The following TFDP1 variants were observed in gnomAD, a reference collection of about 807,000 sequenced individuals.
TFDP1 encodes transcription factor Dp-1.
TFDP1 carries 6 observed loss-of-function variants against 48.0 expected under a neutral mutation model. The observed-to-expected ratio is 0.13, with a 90% confidence interval of 0.07 to 0.25. The LOEUF (loss-of-function observed/expected upper bound fraction) is 0.25, where lower values mean the gene tolerates loss of function less well. Ranked by LOEUF, TFDP1 falls within the 10% of genes least tolerant of loss-of-function variation. The pLI, the probability that TFDP1 is intolerant of heterozygous loss-of-function variation, is 1.00. For missense variants in TFDP1, 335 were observed against 543.0 expected (o/e 0.62, Z 3.81); for synonymous variants, 201 against 211.6 (o/e 0.95, Z 0.44).
chr13:113,592,711 A>G (rs61969013), intron 2 of TFDP1, among the ~76,000 whole-genome samples: 3,628 of 152,356 alleles, frequency 0.024, 92 homozygotes, highest in Non-Finnish European at 0.035. Context: ...AGCATTGCCA[A>G]CACATCCCTG....
In TFDP1 at chr13:113,613,515, C is replaced by T. The variant is rs186020175; in HGVS notation, c.79+2453C>T. ...TGTTGGTGTTTGCATGTGTCTGTGT[C>T]AATATGTGTGCATGAGTGTGTGTGA... On this transcript the variant is annotated intron_variant, in intron 3 of 11. Coordinates refer to ENST00000375370, the MANE Select transcript of TFDP1 (RefSeq NM_007111.5). Among the ~76,000 whole-genome samples the T allele has an allele frequency of 1.3e-3, 198 of 152,286 alleles. 1 individual carries two copies. The highest frequency in any genetic ancestry group is 4.2e-3 in the African/African-American group (175 of 41,544).
At chr13:113,587,163 CTG>C (rs1029840116) in intron 2 of TFDP1, among the ~76,000 whole-genome samples, 5 of 152,052 alleles carry the variant, frequency 3.3e-5, no homozygotes, top group African/African-American at 1.2e-4. Context: ...CTGGCACTGT[CTG>C]TGAGCAGCAT....
At chr13:113,609,981 G>A (rs2048667639) in intron 2 of TFDP1, among the ~76,000 whole-genome samples, 1 of 152,252 alleles carries the variant, frequency 6.6e-6, no homozygotes, top group Admixed American at 6.5e-5. Context: ...GGCCTCTGGG[G>A]ACTGACATTT....
chr13:113,628,303 C>T (rs2049243099), intron 4 of TFDP1, among the ~76,000 whole-genome samples: 1 of 152,174 alleles, frequency 6.6e-6, no homozygotes. Flanking sequence ...AAGACTGTGT[C>T]TGGAGCCATG....
intron 2 of TFDP1, among the ~76,000 whole-genome samples, chr13:113,608,043 C>T (rs1005511676): frequency 1.6e-4 from 24 of 152,202 alleles, no homozygotes; most frequent in Non-Finnish European, 3.2e-4. Context: ...GGGCAAGGCC[C>T]GTGGCTGAGT....
chr13:113,635,882 C>T, intron 8 of TFDP1, 95 bp from the exon 9 acceptor site: 1 of 1,414,382 alleles, frequency 7.1e-7, no homozygotes, highest in African/African-American at 1.4e-5. Context: ...TCCTCGCTGT[C>T]ACGTGGACGC....
chr13:113,625,073 T>C (rs1205949168), intron 4 of TFDP1, among the ~76,000 whole-genome samples: 1 of 133,278 alleles, frequency 7.5e-6, no homozygotes, highest in South Asian at 2.6e-4. Context: ...GTCTCTCACG[T>C]GTCCTCAGGT....
At chr13:113,620,452 A>T (rs996983008) in intron 3 of TFDP1, among the ~76,000 whole-genome samples, 1 of 152,230 alleles carries the variant, frequency 6.6e-6, no homozygotes, top group African/African-American at 2.4e-5. Context: ...CATTTATTGA[A>T]ATTAGAGACT....
chr13:113,629,106 A>G (rs1434729170), intron 4 of TFDP1, among the ~76,000 whole-genome samples: 1 of 152,188 alleles, frequency 6.6e-6, no homozygotes, highest in Non-Finnish European at 1.5e-5. Flanking sequence ...GCAGCAGGTG[A>G]TGGGTGAGGA....
chr13:113,623,407 C>T lies in TFDP1; in HGVS notation c.186+121C>T, dbSNP rs4150758. ...TTGGGCTCCAGTTGCAGCATGGGGC[C>T]TTTCCCTCATCAGGGAGCCCGTGGC... On this transcript the variant is annotated intron_variant, in intron 4 of 11. Transcript: ENST00000375370. The surrounding 1 kb of genome is among the most constrained non-coding windows in gnomAD (Gnocchi z 5.2). 5,399 of 896,430 alleles carry T rather than the reference C, an allele frequency of 6.0e-3. 181 individuals are homozygous for T. In the East Asian group the frequency reaches 0.084, roughly 14 times the overall value. The allele number at this position is 896,430 out of a possible 1,614,324, so 55.5% of individuals were successfully genotyped here. A position where few individuals can be genotyped will look rare whatever the true frequency, so the allele number is the denominator to read the frequency against.
intron 2 of TFDP1, among the ~76,000 whole-genome samples, chr13:113,589,208 A>T (rs944802541): frequency 6.6e-6 from 1 of 152,150 alleles, no homozygotes; most frequent in African/African-American, 2.4e-5. Context: ...CACTTATTTG[A>T]ATTAAAATGG....
At chr13:113,634,801 GCA>G (rs2049431668) in intron 8 of TFDP1, among the ~76,000 whole-genome samples, 199 bp downstream of exon 8, 2 of 8,974 alleles carry the variant, frequency 2.2e-4, no homozygotes, top group Non-Finnish European at 4.1e-4. Flanking sequence ...GCGTGTGCAT[GCA>G]TGTGTGTGTG....
chr13:113,601,308 T>C (rs937979157), intron 2 of TFDP1, among the ~76,000 whole-genome samples: 4 of 81,814 alleles, frequency 4.9e-5, no homozygotes, highest in African/African-American at 3.5e-4. Context: ...CCTGAGTTGG[T>C]CTGGGCAGGA....
intron 4 of TFDP1, among the ~76,000 whole-genome samples, chr13:113,629,131 G>A (rs1016764505): frequency 6.6e-6 from 1 of 152,242 alleles, no homozygotes; most frequent in Non-Finnish European, 1.5e-5. Flanking sequence ...GGACAGTGCT[G>A]CGGAGACACA....
At chr13:113,626,035 C>G (rs1205758709) in intron 4 of TFDP1, among the ~76,000 whole-genome samples, 2 of 149,082 alleles carry the variant, frequency 1.3e-5, no homozygotes, top group Non-Finnish European at 3.0e-5. Context: ...AGGTGTCTCT[C>G]ACGCGTCCTC....
chr13:113,613,594 G>GTC (rs202163363), intron 3 of TFDP1, among the ~76,000 whole-genome samples: 1,837 of 150,322 alleles, frequency 0.012, 82 homozygotes, highest in African/African-American at 0.043. Flanking sequence ...ATGAGTGTGT[G>GTC]TGTGTATGCG....
chr13:113,596,531 T>C (rs2048293533), intron 2 of TFDP1, among the ~76,000 whole-genome samples: 1 of 151,908 alleles, frequency 6.6e-6, no homozygotes, highest in South Asian at 2.1e-4. Flanking sequence ...CACGGCCAGG[T>C]TGGGGAGGAG....
intron 4 of TFDP1, among the ~76,000 whole-genome samples, chr13:113,630,407 T>C (rs941028174): frequency 6.6e-6 from 1 of 152,138 alleles, no homozygotes. Flanking sequence ...TGATCTGGCC[T>C]AGGGATAATT....
intron 3 of TFDP1, among the ~76,000 whole-genome samples, chr13:113,620,861 ATTGG>A (rs2048979003): frequency 6.6e-6 from 1 of 152,252 alleles, no homozygotes; most frequent in African/African-American, 2.4e-5. Flanking sequence ...ATGTGCTGAC[ATTGG>A]TTGGTAAAAA....
Sources: allele counts gnomAD v4.1 joint callset (sites outside exome capture counted in the v4.1 genomes callset), GRCh38; gene constraint gnomAD v4.1.1; non-coding constraint Gnocchi (gnomAD v3.1); transcripts MANE v1.5; gene names NCBI Gene and HGNC (gene_info 2026-07-23, HGNC 2026-07-21).